The following TENM3 variants were observed in gnomAD, a reference collection of about 807,000 sequenced individuals.
TENM3 encodes the protein teneurin transmembrane protein 3, also known as teneurin-3.
TENM3 carries 63 observed loss-of-function variants against 255.1 expected under a neutral mutation model. The ratio of observed to expected loss-of-function variants is 0.25; its 90% CI spans 0.20 to 0.30. TENM3 has a LOEUF of 0.30. TENM3 is among the 10% of genes least tolerant of loss of function. The probability of loss-of-function intolerance (pLI) is 1.00; values close to 1 mark genes in which losing one functional copy is unlikely to be tolerated. For synonymous variants in TENM3, 1,306 were observed against 1,322.3 expected, an observed-to-expected ratio of 0.99 and a Z score of 0.27; for missense variants, 2,929 against 3,461.1, an observed-to-expected ratio of 0.85 and a Z score of 3.86.
At chr4:181,651,954 C>T in the TENM3 span, among the ~76,000 whole-genome samples, 356 of 152,228 alleles carry the variant, frequency 2.3e-3, 2 homozygotes, top group Middle Eastern at 0.017. Flanking sequence ...TTTGTAGTTA[C>T]TATACTATAA....
chr4:182,089,497 C>T, the TENM3 span, among the ~76,000 whole-genome samples: 3 of 152,216 alleles, frequency 2.0e-5, no homozygotes, highest in African/African-American at 4.8e-5. Context: ...TCAATTAAGG[C>T]GCTAACACTG....
At chr4:181,740,216 G>A in the TENM3 span, among the ~76,000 whole-genome samples, 6 of 151,920 alleles carry the variant, frequency 3.9e-5, no homozygotes, top group Admixed American at 2.0e-4. Flanking sequence ...GGACAGAACC[G>A]TTTGCTAAAA....
the TENM3 span, among the ~76,000 whole-genome samples, chr4:182,116,807 A>G: frequency 6.6e-6 from 1 of 152,218 alleles, no homozygotes; most frequent in Non-Finnish European, 1.5e-5. Flanking sequence ...CCAATCAACT[A>G]CTAAAGGATA....
At chr4:182,091,490 A>T in the TENM3 span, among the ~76,000 whole-genome samples, 1 of 152,174 alleles carries the variant, frequency 6.6e-6, no homozygotes, top group Non-Finnish European at 1.5e-5. Context: ...TAAAGGAAAG[A>T]GGTGAGGTTT....
the TENM3 span, among the ~76,000 whole-genome samples, chr4:181,867,636 A>T: frequency 6.6e-6 from 1 of 152,208 alleles, no homozygotes; most frequent in African/African-American, 2.4e-5. Flanking sequence ...TGAGCAAACG[A>T]GTTATCATTT....
chr4:182,076,879 G>T, the TENM3 span, among the ~76,000 whole-genome samples: 1 of 152,122 alleles, frequency 6.6e-6, no homozygotes. Context: ...ACAGGTGACC[G>T]CATCTGGCCT....
chr4:181,992,644 A>G, the TENM3 span, among the ~76,000 whole-genome samples: 1 of 152,150 alleles, frequency 6.6e-6, no homozygotes, highest in Admixed American at 6.6e-5. Flanking sequence ...TTTGCAAGTT[A>G]ATAATTTTAT....
chr4:181,997,232 G>A, the TENM3 span, among the ~76,000 whole-genome samples: 4,914 of 152,232 alleles, frequency 0.032, 249 homozygotes, highest in African/African-American at 0.11. Flanking sequence ...TTGGTGTCAA[G>A]CCCAGCAAAG....
the TENM3 span, among the ~76,000 whole-genome samples, chr4:181,560,007 A>G: frequency 6.6e-6 from 1 of 152,214 alleles, no homozygotes; most frequent in Non-Finnish European, 1.5e-5. Context: ...AATAACAATG[A>G]CATATTTTAG....
At chr4:181,924,860 A>G in the TENM3 span, among the ~76,000 whole-genome samples, 1 of 152,214 alleles carries the variant, frequency 6.6e-6, no homozygotes, top group African/African-American at 2.4e-5. Flanking sequence ...CAACTTGAAC[A>G]TGTCAAGGAG....
At chr4:182,381,853 A>G (rs1767596275) in intron 3 of TENM3, among the ~76,000 whole-genome samples, 1 of 152,036 alleles carries the variant, frequency 6.6e-6, no homozygotes, top group Non-Finnish European at 1.5e-5. Flanking sequence ...GAGCCACCAC[A>G]CCGGGCCTAT....
intron 3 of TENM3, among the ~76,000 whole-genome samples, chr4:182,382,397 T>C (rs1767634878): frequency 1.3e-5 from 2 of 152,072 alleles, no homozygotes; most frequent in African/African-American, 4.8e-5. Context: ...TACCCAGGCA[T>C]TTTGTTGCAT....
the TENM3 span, among the ~76,000 whole-genome samples, chr4:181,761,349 G>T: frequency 6.6e-6 from 1 of 151,968 alleles, no homozygotes; most frequent in East Asian, 1.9e-4. Context: ...TTAGGAACGA[G>T]GCCCAACATA....
At chr4:182,094,463 G>GA in the TENM3 span, among the ~76,000 whole-genome samples, 1 of 152,076 alleles carries the variant, frequency 6.6e-6, no homozygotes, top group Non-Finnish European at 1.5e-5. Context: ...GGCCAGGCTG[G>GA]TCTCGAACTC....
chr4:182,328,341 G>A (rs892007475), intron 2 of TENM3, among the ~76,000 whole-genome samples: 1 of 151,776 alleles, frequency 6.6e-6, no homozygotes, highest in African/African-American at 2.4e-5. Flanking sequence ...TCAGCTTCCC[G>A]AGTAGCTGGA....
chr4:181,644,705 G>GT, the TENM3 span, among the ~76,000 whole-genome samples: 16,520 of 151,828 alleles, frequency 0.11, 976 homozygotes, highest in East Asian at 0.18. Flanking sequence ...TCGTTTTTCT[G>GT]TTTTTTCTCT....
the TENM3 span, among the ~76,000 whole-genome samples, chr4:182,098,084 G>T: frequency 2.0e-5 from 3 of 152,094 alleles, no homozygotes; most frequent in Non-Finnish European, 4.4e-5. Flanking sequence ...TGAAAAAAAA[G>T]CTCAACATTA....
the TENM3 span, among the ~76,000 whole-genome samples, chr4:181,744,608 G>C: frequency 6.6e-6 from 1 of 152,162 alleles, no homozygotes; most frequent in African/African-American, 2.4e-5. Flanking sequence ...AAGAGAAAGG[G>C]CAGAACAGAG....
chr4:182,651,698 G>GAA (rs560075723), intron 5 of TENM3, among the ~76,000 whole-genome samples: 17 of 146,274 alleles, frequency 1.2e-4, no homozygotes, highest in Middle Eastern at 3.6e-3. Flanking sequence ...CTCCGTCTCA[G>GAA]AAAAAAAAAA....
Sources: gnomAD v4.1 joint callset for allele counts (sites outside exome capture counted in the v4.1 genomes callset) on GRCh38, gnomAD v4.1.1 for gene constraint, MANE v1.5 for transcripts, NCBI Gene and HGNC (gene_info 2026-07-23, HGNC 2026-07-21) for gene names.